PDE10A: variants seen among roughly 807,000 people sequenced by gnomAD.
PDE10A encodes cAMP and cAMP-inhibited cGMP 3',5'-cyclic phosphodiesterase 10A.
A neutral mutation model predicts 97.7 loss-of-function variants in PDE10A; 39 were observed. That is an observed-to-expected ratio of 0.40 (90% CI 0.31 to 0.52). The LOEUF (loss-of-function observed/expected upper bound fraction) is 0.52. Ranked by LOEUF, PDE10A falls within the 20% of genes least tolerant of loss-of-function variation. The pLI, the probability that PDE10A is intolerant of heterozygous loss-of-function variation, is 0.56. For synonymous variants in PDE10A, 371 were observed against 376.8 expected (o/e 0.98, Z 0.18); for missense variants, 731 against 1,047.8 (o/e 0.70, Z 4.17).
At chr6:165,632,200 CA>C (rs71552885) in intron 1 of PDE10A, among the ~76,000 whole-genome samples, 3,127 of 67,152 alleles carry the variant, frequency 0.047, 65 homozygotes, top group African/African-American at 0.16. Context: ...GAGTCCATCT[CA>C]AAAAAAAAAA....
At chr6:165,500,372 C>A (rs1236999303) in intron 2 of PDE10A, among the ~76,000 whole-genome samples, 1 of 152,140 alleles carries the variant, frequency 6.6e-6, no homozygotes, top group East Asian at 1.9e-4. Flanking sequence ...TAGAAAAATT[C>A]TTCTGCCTTG....
intron 1 of PDE10A, among the ~76,000 whole-genome samples, chr6:165,565,591 T>C (rs190751234): frequency 1.3e-3 from 201 of 152,300 alleles, no homozygotes; most frequent in African/African-American, 4.4e-3. Flanking sequence ...TTAAAGTTTA[T>C]ATTGAGAGAC....
At chr6:165,361,371 T>G (rs1002560768) in intron 18 of PDE10A, among the ~76,000 whole-genome samples, 5 of 152,194 alleles carry the variant, frequency 3.3e-5, no homozygotes, top group African/African-American at 1.2e-4. Flanking sequence ...TGACCACAAT[T>G]AAATCAATAA....
At chr6:165,529,987 T>C (rs751878790) in intron 2 of PDE10A, among the ~76,000 whole-genome samples, 1 of 152,090 alleles carries the variant, frequency 6.6e-6, no homozygotes, top group Non-Finnish European at 1.5e-5. Flanking sequence ...TTTGAGTTAG[T>C]AGGCTGGGGA....
intron 13 of PDE10A, among the ~76,000 whole-genome samples, chr6:165,400,351 G>A (rs1419187108): frequency 1.3e-5 from 2 of 152,058 alleles, no homozygotes; most frequent in Non-Finnish European, 2.9e-5. Flanking sequence ...GACTTCTTCA[G>A]AGTTTAAAAC....
chr6:165,395,109 G>C, intron 15 of PDE10A, 72 bp downstream of exon 15: 1 of 858,980 alleles, frequency 1.2e-6, no homozygotes, highest in Non-Finnish European at 2.0e-6. Flanking sequence ...TCGTGGTGAG[G>C]CATATATGTA....
At chr6:165,436,232 A>G (rs1414371011) in intron 5 of PDE10A, among the ~76,000 whole-genome samples, 1 of 152,336 alleles carries the variant, frequency 6.6e-6, no homozygotes, top group East Asian at 1.9e-4. Context: ...CAAAGAATGA[A>G]GACTACTTGA....
chr6:165,643,759 C>T (rs887669890), intron 1 of PDE10A, among the ~76,000 whole-genome samples: 1 of 152,156 alleles, frequency 6.6e-6, no homozygotes, highest in African/African-American at 2.4e-5. Context: ...GAGGAATAAG[C>T]TTTAGCTATC....
At chr6:165,860,914 A>G (rs1780884236) in intron 1 of PDE10A, among the ~76,000 whole-genome samples, 1 of 152,216 alleles carries the variant, frequency 6.6e-6, no homozygotes, top group Non-Finnish European at 1.5e-5. Context: ...TAACAGCTTA[A>G]AAACATTCAC....
At chr6:165,429,042 T>A (rs1789368729) in intron 9 of PDE10A, among the ~76,000 whole-genome samples, 1 of 152,136 alleles carries the variant, frequency 6.6e-6, no homozygotes, top group African/African-American at 2.4e-5. Flanking sequence ...CCATATTTAA[T>A]ATTTTCATTA....
At chr6:165,912,680 T>G (rs1314889022) in intron 1 of PDE10A, among the ~76,000 whole-genome samples, 3 of 152,190 alleles carry the variant, frequency 2.0e-5, no homozygotes, top group African/African-American at 4.8e-5. Context: ...GTTAGGGCTG[T>G]TGGTGGTGAG....
At position 165,327,936 on chromosome 6, in the gene PDE10A, A is replaced by G. The variant is rs1411931645; in HGVS notation, c.*5089T>C. 1 of 152,204 alleles carries G rather than the reference A, an allele frequency of 6.6e-6. No homozygotes were observed. The highest frequency in any genetic ancestry group is 1.5e-5 in the Non-Finnish European group (1 of 68,040). The allele number at this position is 152,204 out of a possible 1,614,324, so 9.4% of individuals were successfully genotyped here. A position where few individuals can be genotyped will look rare whatever the true frequency, so the allele number is the denominator to read the frequency against. The stretch of plus-strand genomic sequence containing the variant: ...AAGATTATCAACAGCAAACTCTTAG[A>G]TGCCTTAGCTACGTTATGGATCTAG... On this transcript the variant is annotated 3_prime_UTR_variant, in exon 22 of 22. Coordinates refer to ENST00000539869, the MANE Select transcript of PDE10A (RefSeq NM_001385079.1).
chr6:165,610,579 A>G (rs1225894155), intron 1 of PDE10A, among the ~76,000 whole-genome samples: 2 of 151,974 alleles, frequency 1.3e-5, no homozygotes, highest in Admixed American at 6.6e-5. Flanking sequence ...TTCCCTATTT[A>G]ACAAATGGCA....
rs186791987 is a variant in PDE10A at position 165,897,480 on chromosome 6, G to A, written c.-615+90049C>T. 1.9e-3 allele frequency among the ~76,000 whole-genome samples: 290 copies of A among 152,188 alleles called. 2 individuals carry two copies. Among genetic ancestry groups the A allele is most frequent in the African/African-American group, 6.7e-3 (278 of 41,518 alleles). Reference sequence around the variant, plus strand: ...AATGAGAGGGTCCTGAGCTGCAGGTGCCCCCAGGGAGTGAGGTCCCTGGAG... The same window carrying A: ...AATGAGAGGGTCCTGAGCTGCAGGTACCCCCAGGGAGTGAGGTCCCTGGAG... On this transcript the variant is annotated intron_variant, in intron 1 of 19. Transcript: ENST00000366882.
chr6:165,839,911 C>CTGTCTT (rs1780190655), intron 1 of PDE10A, among the ~76,000 whole-genome samples: 1 of 124,610 alleles, frequency 8.0e-6, no homozygotes, highest in Non-Finnish European at 1.7e-5. Flanking sequence ...ATCTCCAACT[C>CTGTCTT]CATCCCCAAC....
chr6:165,627,548 C>T (rs551463932), intron 1 of PDE10A, among the ~76,000 whole-genome samples: 101 of 152,300 alleles, frequency 6.6e-4, no homozygotes, highest in African/African-American at 2.4e-3. Flanking sequence ...AGACACCAAG[C>T]TCTGTGGATG....
Position 165,798,700 on chromosome 6 carries a change from T to G in PDE10A, c.-615+188829A>C, listed in dbSNP as rs149736892. Among the ~76,000 whole-genome samples the G allele has an allele frequency of 5.2e-3, 757 of 145,500 alleles. 28 individuals are homozygous for G. The highest frequency in any genetic ancestry group is 0.049 in the Admixed American group (724 of 14,856). Reference sequence around the variant, plus strand: ...ATGATATTAATCATCGAGGTTAAATTTAAACCAATCACACACACACACACA... The same window carrying G: ...ATGATATTAATCATCGAGGTTAAATGTAAACCAATCACACACACACACACA... On this transcript the variant is annotated intron_variant, in intron 1 of 19. Transcript: ENST00000366882.
intron 10 of PDE10A, among the ~76,000 whole-genome samples, chr6:165,421,261 G>A (rs1425617374): frequency 3.3e-5 from 5 of 152,044 alleles, no homozygotes; most frequent in Admixed American, 3.3e-4. Flanking sequence ...AGGCAACATG[G>A]CGAGACCCCT....
Position 165,943,218 on chromosome 6 carries a change from A to AAGGAAGGAAGGAAGGAAGGAAGGAAG in PDE10A, c.-615+44310_-615+44311insCTTCCTTCCTTCCTTCCTTCCTTCCT, listed in dbSNP as rs1562809665. Among the ~76,000 whole-genome samples the AAGGAAGGAAGGAAGGAAGGAAGGAAG allele has an allele frequency of 1.4e-3, 107 of 76,370 alleles. 1 individual carries two copies. The highest frequency in any genetic ancestry group is 5.3e-3 in the Middle Eastern group (1 of 188). The allele number at this position is 76,370 out of a possible 152,430, so 50.1% of individuals were successfully genotyped here. On this transcript the variant is annotated intron_variant, in intron 1 of 19. Transcript: ENST00000366882. ...AAGAAAGAAAGAAAGAAAGAAAGAAAGAAAGAAAGAAAGAAAGAAGGAAGG... is the reference window on the plus strand; with the variant it reads ...AAGAAAGAAAGAAAGAAAGAAAGAAAAGGAAGGAAGGAAGGAAGGAAGGAAGGAAAGAAAGAAAGAAAGAAGGAAGG...
Sources: allele counts gnomAD v4.1 joint callset (sites outside exome capture counted in the v4.1 genomes callset), GRCh38; gene constraint gnomAD v4.1.1; transcripts MANE v1.5; gene names NCBI Gene and HGNC (gene_info 2026-07-23, HGNC 2026-07-21).